GSE1: variants seen among roughly 807,000 people sequenced by gnomAD.
The protein encoded by GSE1 is Gse1 coiled-coil protein.
A neutral mutation model predicts 112.6 loss-of-function variants in GSE1; 32 were observed. That is an observed-to-expected ratio of 0.28 (90% confidence interval 0.21 to 0.38). The LOEUF (loss-of-function observed/expected upper bound fraction) is 0.38. Ranked by LOEUF, GSE1 falls within the 10% of genes least tolerant of loss-of-function variation. The probability of loss-of-function intolerance (pLI) is 1.00; values close to 1 mark genes in which losing one functional copy is unlikely to be tolerated. For synonymous variants in GSE1, 1,115 were observed against 735.6 expected (o/e 1.52, Z -8.35); for missense variants, 2,348 against 1,699.2 (o/e 1.38, Z -6.71).
rs2053498193 is a variant in GSE1, at chr16:85,673,443, TG to T, written c.*909del. 6.6e-6 allele frequency: 1 copy of T among 150,988 alleles called. No individual in the cohort carries two copies. 9.4% of individuals were successfully genotyped at this position (150,988 alleles called of 1,614,324 possible). ...GGGATTTTTGTTTGTTTTTCCTGTT[TG>T]GGGGTTTTGTTTGTTGTTTTGGTTT... On this transcript the variant is annotated 3_prime_UTR_variant, in exon 16 of 16. Transcript: ENST00000253458.
intron 2 of GSE1, among the ~76,000 whole-genome samples, chr16:85,425,684 C>T (rs1243199475): frequency 3.3e-5 from 5 of 152,122 alleles, no homozygotes; most frequent in East Asian, 1.9e-4. Flanking sequence ...CATGCAGCCC[C>T]GCTTACCCAT....
At chr16:85,187,666 C>T (rs2074734776) in intron 1 of GSE1, among the ~76,000 whole-genome samples, 1 of 152,136 alleles carries the variant, frequency 6.6e-6, no homozygotes, top group Non-Finnish European at 1.5e-5. Flanking sequence ...GGCCTCGCCC[C>T]CACCTGCTCC....
At chr16:85,233,228 T>C (rs930830762) in intron 1 of GSE1, among the ~76,000 whole-genome samples, 1 of 152,282 alleles carries the variant, frequency 6.6e-6, no homozygotes, top group African/African-American at 2.4e-5. Flanking sequence ...CCAGCCTCGT[T>C]TGTCAGCCAA....
chr16:85,555,950 C>G, upstream of GSE1: 1 of 984,512 alleles, frequency 1.0e-6, no homozygotes, highest in Non-Finnish European at 1.2e-6. Context: ...CCGCGCTCCC[C>G]CCTCCTTTTT....
intron 1 of GSE1, among the ~76,000 whole-genome samples, chr16:85,199,362 A>G (rs1229643545): frequency 6.6e-6 from 1 of 152,198 alleles, no homozygotes; most frequent in African/African-American, 2.4e-5. Context: ...TGGAGATTAC[A>G]GGCGAGAGCC....
intron 10 of GSE1, 46 bp from the exon 11 acceptor site, chr16:85,663,298 C>G (rs1308740914): frequency 6.2e-7 from 1 of 1,601,636 alleles, no homozygotes; most frequent in Non-Finnish European, 8.5e-7. Flanking sequence ...TGCAAGCATA[C>G]CACTGCCAGT....
chr16:85,505,038 C>A (rs900361541), intron 2 of GSE1, among the ~76,000 whole-genome samples: 1 of 152,220 alleles, frequency 6.6e-6, no homozygotes, highest in Non-Finnish European at 1.5e-5. Flanking sequence ...CACAGCCCCA[C>A]GTGACCCAGC....
intron 1 of GSE1, among the ~76,000 whole-genome samples, chr16:85,213,706 G>A (rs1181213504): frequency 2.6e-5 from 4 of 152,342 alleles, no homozygotes; most frequent in African/African-American, 9.6e-5. Context: ...GGACTCACAC[G>A]CATCAGGGGT....
rs1418961251 is a variant in GSE1, at chr16:85,672,004, T to G, written c.3520-401T>G. The G allele has an allele frequency of 1.4e-5, 3 of 212,248 alleles. No individual in the cohort carries two copies. In the East Asian group the frequency reaches 4.1e-4, roughly 29 times the overall value. 13.1% of individuals were successfully genotyped at this position (212,248 alleles called of 1,614,324 possible). On this transcript the variant is annotated intron_variant, in intron 15 of 15. Transcript: ENST00000253458. ...AGAACACAGGCTGAGAAGTGGACTTTGTTTCTCTTTTTGAGGCGAAGTCTC... is the reference window on the plus strand; with the variant it reads ...AGAACACAGGCTGAGAAGTGGACTTGGTTTCTCTTTTTGAGGCGAAGTCTC...
chr16:85,546,793 C>G (rs1020403496), intron 2 of GSE1, among the ~76,000 whole-genome samples: 1 of 152,240 alleles, frequency 6.6e-6, no homozygotes, highest in African/African-American at 2.4e-5. Flanking sequence ...TGGTAAGAAG[C>G]TGGCCACCAG....
At chr16:85,608,276 C>T (rs1244369171), upstream of GSE1, among the ~76,000 whole-genome samples, 1 of 152,090 alleles carries the variant, frequency 6.6e-6, no homozygotes, top group African/African-American at 2.4e-5. Context: ...GGCAGCCTTC[C>T]ACCCCTCAGC....
chr16:85,664,951 C>T (rs1001085279), intron 11 of GSE1, 64 bp from the exon 12 acceptor site: 144 of 1,110,734 alleles, frequency 1.3e-4, no homozygotes, highest in Middle Eastern at 2.0e-4. Flanking sequence ...GCTAGAATCC[C>T]GCTGTCCTTC....
At chr16:85,388,900 G>A (rs531399755) in intron 2 of GSE1, among the ~76,000 whole-genome samples, 1 of 152,266 alleles carries the variant, frequency 6.6e-6, no homozygotes, top group African/African-American at 2.4e-5. Flanking sequence ...GTGGTTAGAT[G>A]GGGAATCCCC....
intron 1 of GSE1, among the ~76,000 whole-genome samples, chr16:85,240,114 A>T (rs1252724544): frequency 6.6e-6 from 1 of 152,212 alleles, no homozygotes; most frequent in Non-Finnish European, 1.5e-5. Flanking sequence ...CAACTTGCTC[A>T]TCTGTAAAGT....
chr16:85,527,692 G>A lies in GSE1; in HGVS notation c.2465-106222G>A, dbSNP rs534404569. Among the ~76,000 whole-genome samples the A allele has an allele frequency of 5.9e-5, 9 of 152,378 alleles. 1 individual carries two copies. In the South Asian group the frequency reaches 6.2e-4, roughly 11 times the overall value. Reference sequence around the variant, plus strand: ...GGCAGGGGAATGTGGGGCCAGCAGCGGGCCGGGGAAGTGGGCTGATTGCAC... The same window carrying A: ...GGCAGGGGAATGTGGGGCCAGCAGCAGGCCGGGGAAGTGGGCTGATTGCAC... On this transcript the variant is annotated intron_variant, in intron 2 of 2. Transcript: ENST00000637419.
At chr16:85,488,617 A>G (rs1443125538) in intron 2 of GSE1, among the ~76,000 whole-genome samples, 1 of 152,048 alleles carries the variant, frequency 6.6e-6, no homozygotes, top group Non-Finnish European at 1.5e-5. Context: ...AAGTGCCACA[A>G]GAGAGGAAGT....
chr16:85,269,297 C>G (rs183048844), intron 1 of GSE1, among the ~76,000 whole-genome samples: 18 of 149,580 alleles, frequency 1.2e-4, no homozygotes, highest in Non-Finnish European at 2.3e-4. Flanking sequence ...TCCCCTGTGT[C>G]CCAAGATGGT....
chr16:85,504,428 C>G (rs186936312), intron 2 of GSE1, among the ~76,000 whole-genome samples: 1 of 152,162 alleles, frequency 6.6e-6, no homozygotes, highest in South Asian at 2.1e-4. Context: ...AGCTGCAGCC[C>G]GCAGAGCGGT....
Position 85,222,143 on chromosome 16 carries a change from C to A in GSE1, c.2283+50336C>A, listed in dbSNP as rs1261663279. ...ACGAGAGGATGGATGCTGGCACCCA[C>A]TGCCCCTCCCCGCTCCCTGTGGCTC... is the stretch of plus-strand genomic sequence containing the variant. On this transcript the variant is annotated intron_variant, in intron 1 of 2. Transcript: ENST00000637419. Among the ~76,000 whole-genome samples, 5 of 152,222 alleles carry A rather than the reference C, an allele frequency of 3.3e-5. No individual in the cohort carries two copies. In the East Asian group the frequency reaches 9.7e-4, roughly 29 times the overall value.
Sources: allele counts gnomAD v4.1 joint callset (sites outside exome capture counted in the v4.1 genomes callset), GRCh38; gene constraint gnomAD v4.1.1; transcripts MANE v1.5; gene names NCBI Gene and HGNC (gene_info 2026-07-23, HGNC 2026-07-21).